PKP4: variants seen among roughly 807,000 people sequenced by gnomAD.
PKP4 encodes plakophilin-4.
Under a neutral mutation model 145.1 loss-of-function variants are expected in PKP4, and 90 were observed. The ratio of observed to expected loss-of-function variants is 0.62; its 90% CI spans 0.52 to 0.74. The LOEUF (loss-of-function observed/expected upper bound fraction) is 0.74. Among genes scored for constraint, PKP4 ranks in the 30% least tolerant of loss-of-function variants. PKP4 has a pLI of 0.00. For synonymous variants in PKP4, 563 were observed against 577.2 expected, an observed-to-expected ratio of 0.98 and a Z score of 0.35; for missense variants, 1,340 against 1,482.7, an observed-to-expected ratio of 0.90 and a Z score of 1.58.
At chr2:158,580,984 G>T (rs567998813) in intron 3 of PKP4, among the ~76,000 whole-genome samples, 1 of 152,294 alleles carries the variant, frequency 6.6e-6, no homozygotes, top group East Asian at 1.9e-4. Context: ...CAGCAAGTGG[G>T]CACCCAGCCA....
Position 158,467,832 on chromosome 2 carries a change from G to A in PKP4, c.-6+10614G>A, listed in dbSNP as rs1316397987. Reference sequence around the variant, plus strand: ...ACTGCACTCCAACCTGGGCAATAGAGTGAAACTCTATCTCCAAAAATAAAA... The same window carrying A: ...ACTGCACTCCAACCTGGGCAATAGAATGAAACTCTATCTCCAAAAATAAAA... On this transcript the variant is annotated intron_variant, in intron 1 of 21. Transcript: ENST00000389759. Among the ~76,000 whole-genome samples the A allele has an allele frequency of 7.9e-5, 12 of 152,180 alleles. No individual in the cohort carries two copies. The East Asian group carries it at 2.1e-3, about 27-fold the overall frequency.
In PKP4 at chr2:158,663,016, C is replaced by G. The variant is rs757819787; in HGVS notation, c.2331C>G (p.Pro777=). 1 of 1,613,904 alleles carries G rather than the reference C, an allele frequency of 6.2e-7. No homozygotes were observed. The highest frequency in any genetic ancestry group is 1.1e-5 in the South Asian group (1 of 91,040). ...ELDDLLGKES[P]SKDSEPSCWG... ...ATGACTTACTAGGAAAAGAGTCTCC[C>G]AGCAAAGACTCTGAGCCAAGTTGCT... is the stretch of plus-strand genomic sequence containing the variant. Residue 777 remains proline (P), a synonymous_variant, in exon 14 of 22, where the codon CCC becomes CCG. Transcript: ENST00000389759.
chr2:158,644,607 T>A (rs555464292), intron 11 of PKP4, among the ~76,000 whole-genome samples: 43 of 152,292 alleles, frequency 2.8e-4, no homozygotes, highest in African/African-American at 9.9e-4. Context: ...GCTTTAGAAA[T>A]ACTTGCAGAA....
At chr2:158,650,472 T>C (rs144993627) in intron 11 of PKP4, among the ~76,000 whole-genome samples, 1 of 152,336 alleles carries the variant, frequency 6.6e-6, no homozygotes, top group Non-Finnish European at 1.5e-5. Flanking sequence ...TCCACCTTTA[T>C]GCCTGCAAAA....
In PKP4 at chr2:158,499,302, G is replaced by C. The variant is rs564289880; in HGVS notation, c.-5-33878G>C. 4.6e-5 allele frequency among the ~76,000 whole-genome samples: 7 copies of C among 152,072 alleles called. No individual in the cohort carries two copies. The East Asian group carries it at 1.4e-3, about 29-fold the overall frequency. On this transcript the variant is annotated intron_variant, in intron 1 of 21. Transcript: ENST00000389759. Reference sequence around the variant, plus strand: ...TGAGGGTGCACATCAGCCAACAAAAGTGGGTTCAGCATCCCCCCAACCCTG... The same window carrying C: ...TGAGGGTGCACATCAGCCAACAAAACTGGGTTCAGCATCCCCCCAACCCTG...
chr2:158,543,913 G>A (rs557128121), intron 2 of PKP4, among the ~76,000 whole-genome samples: 1 of 152,300 alleles, frequency 6.6e-6, no homozygotes, highest in South Asian at 2.1e-4. Flanking sequence ...GGGTATCACT[G>A]TGCAGGTGAT....
At chr2:158,473,963 T>G (rs80104709) in intron 1 of PKP4, among the ~76,000 whole-genome samples, 29,946 of 152,220 alleles carry the variant, frequency 0.2, 3,796 homozygotes, top group Middle Eastern at 0.34. Flanking sequence ...GATTTTTCAC[T>G]GGTTATGAAG....
chr2:158,539,718 G>T (rs1424247507), intron 2 of PKP4, among the ~76,000 whole-genome samples: 1 of 152,042 alleles, frequency 6.6e-6, no homozygotes, highest in Non-Finnish European at 1.5e-5. Context: ...TGGTTTTTGA[G>T]GGATCATCAA....
chr2:158,623,767 A>T (rs1399425999), intron 6 of PKP4, among the ~76,000 whole-genome samples: 4 of 152,124 alleles, frequency 2.6e-5, no homozygotes, highest in Admixed American at 2.6e-4. Flanking sequence ...CTAAAAGTGG[A>T]TGTGGGTTGA....
intron 7 of PKP4, among the ~76,000 whole-genome samples, chr2:158,628,994 T>C (rs780598600): frequency 2.6e-5 from 4 of 152,178 alleles, no homozygotes; most frequent in African/African-American, 4.8e-5. Context: ...ACTAGGTACA[T>C]TCACCTGTCT....
At chr2:158,618,103 A>G (rs1488674837) in intron 4 of PKP4, among the ~76,000 whole-genome samples, 1 of 152,200 alleles carries the variant, frequency 6.6e-6, no homozygotes, top group Non-Finnish European at 1.5e-5. Flanking sequence ...GAATCACTTG[A>G]GCCCAGGAGG....
In PKP4 at chr2:158,621,046, A is replaced by G; in HGVS notation, c.337A>G (p.Asn113Asp). The change falls in exon 5 of 22, where the codon AAC (asparagine) becomes GAC (aspartate). Residue 113 changes from asparagine (N) to aspartate (D), a missense_variant. Physicochemically the swap from Asn to Asp is conservative, Grantham distance 23. Coordinates refer to ENST00000389759, the MANE Select transcript of PKP4 (RefSeq NM_003628.6). ...AGTTTCTGACGCTGTCCAGCCCAAC[A>G]ACTATCTCATCAGGACAGAGCCAGA... Reference protein sequence around the residue: ...PRVSDAVQPNNYLIRTEPEQG... With the variant: ...PRVSDAVQPNDYLIRTEPEQG... 2 of 1,614,090 alleles carry G rather than the reference A, an allele frequency of 1.2e-6. No individual in the cohort carries two copies. The highest frequency in any genetic ancestry group is 1.1e-5 in the South Asian group (1 of 91,076).
At chr2:158,564,803 C>T (rs765071602) in intron 2 of PKP4, among the ~76,000 whole-genome samples, 2 of 152,154 alleles carry the variant, frequency 1.3e-5, no homozygotes, top group African/African-American at 2.4e-5. Flanking sequence ...GTTTTCTCTA[C>T]TTAACAACAG....
At chr2:158,677,002 C>T in intron 20 of PKP4, 135 bp downstream of exon 20, 2 of 1,033,578 alleles carry the variant, frequency 1.9e-6, no homozygotes, top group Non-Finnish European at 3.0e-6. Flanking sequence ...CAGTCATTCC[C>T]TTTCCTACTT....
At chr2:158,658,631 T>C in intron 12 of PKP4, 1 of 228,248 alleles carries the variant, frequency 4.4e-6, no homozygotes, top group South Asian at 1.4e-4. Context: ...ATTGCTAATG[T>C]GTTTGCAGCC....
At chr2:158,609,214 A>C (rs1397285043) in intron 4 of PKP4, among the ~76,000 whole-genome samples, 1 of 152,126 alleles carries the variant, frequency 6.6e-6, no homozygotes, top group Non-Finnish European at 1.5e-5. Flanking sequence ...TTTTTCTATA[A>C]ATTTTGACAA....
chr2:158,606,465 C>T lies in PKP4; in HGVS notation c.280+3361C>T, dbSNP rs1467255096. The stretch of plus-strand genomic sequence containing the variant: ...ATTTGTTGTATTTTAACCTTACCAA[C>T]TGCCTTCATCTCGACTTTCTTCTTT... On this transcript the variant is annotated intron_variant, in intron 4 of 21. Transcript: ENST00000389759. Among the ~76,000 whole-genome samples, 6 of 152,198 alleles carry T rather than the reference C, an allele frequency of 3.9e-5. 1 individual carries two copies. The highest frequency in any genetic ancestry group is 3.9e-4 in the Admixed American group (6 of 15,278).
intron 3 of PKP4, among the ~76,000 whole-genome samples, chr2:158,600,355 C>T (rs2050128867): frequency 6.6e-6 from 1 of 152,148 alleles, no homozygotes; most frequent in African/African-American, 2.4e-5. Context: ...AGCTGCTTGG[C>T]ATCTTCAGAA....
intron 1 of PKP4, among the ~76,000 whole-genome samples, chr2:158,466,260 C>G (rs1228169782): frequency 6.6e-6 from 1 of 152,164 alleles, no homozygotes; most frequent in Non-Finnish European, 1.5e-5. Context: ...TAGTACCTAT[C>G]CTCTGTCCTT....
Sources: allele counts gnomAD v4.1 joint callset (sites outside exome capture counted in the v4.1 genomes callset), GRCh38; gene constraint gnomAD v4.1.1; transcripts MANE v1.5; gene names NCBI Gene and HGNC (gene_info 2026-07-23, HGNC 2026-07-21).